TCF12: variants seen among roughly 807,000 people sequenced by gnomAD.
TCF12 encodes transcription factor 12.
A neutral mutation model predicts 86.0 loss-of-function variants in TCF12; 45 were observed. That is an observed-to-expected ratio of 0.52 (90% CI 0.41 to 0.67). The LOEUF (loss-of-function observed/expected upper bound fraction) is 0.67. Ranked by LOEUF, TCF12 falls within the 30% of genes least tolerant of loss-of-function variation. The probability of loss-of-function intolerance (pLI) is 0.00; values close to 1 mark genes in which losing one functional copy is unlikely to be tolerated. For missense variants in TCF12, 881 were observed against 859.9 expected (o/e 1.02, Z -0.31); for synonymous variants, 330 against 299.6 (o/e 1.10, Z -1.05).
intron 3 of TCF12, among the ~76,000 whole-genome samples, chr15:57,044,060 C>A (rs1567309360): frequency 6.6e-6 from 1 of 151,842 alleles, no homozygotes; most frequent in African/African-American, 2.4e-5. Context: ...AGATTGGACA[C>A]TTTCAAATTG....
chr15:57,063,118 T>A (rs1380655454), intron 3 of TCF12, among the ~76,000 whole-genome samples: 2 of 152,228 alleles, frequency 1.3e-5, no homozygotes, highest in Non-Finnish European at 2.9e-5. Flanking sequence ...GCCACCTTCA[T>A]AAGAGTGGAA....
At chr15:56,990,183 A>T in intron 3 of TCF12, among the ~76,000 whole-genome samples, 2 of 118,542 alleles carry the variant, frequency 1.7e-5, no homozygotes, top group African/African-American at 3.6e-5. Context: ...TAAATATTAT[A>T]CCATTTTCAA....
intron 3 of TCF12, among the ~76,000 whole-genome samples, chr15:56,984,617 T>G (rs1272104495): frequency 6.6e-6 from 1 of 152,172 alleles, no homozygotes; most frequent in Non-Finnish European, 1.5e-5. Context: ...TTACTAATTC[T>G]TCTGGAGTGA....
chr15:56,977,198 T>C (rs1248629706), intron 3 of TCF12, among the ~76,000 whole-genome samples: 1 of 152,212 alleles, frequency 6.6e-6, no homozygotes, highest in African/African-American at 2.4e-5. Context: ...TGCAAGGTAC[T>C]GGCAGGACAT....
rs371490347 is a variant in TCF12 at position 57,284,203 on chromosome 15, G to GTTGT, written c.*11+1620_*11+1623dup. ...GTTCTGGGATTTTTTTGTTGTTGTT[G>GTTGT]TTGTTTGTTTGTTTGTTTTGAGATG... On this transcript the variant is annotated intron_variant, in intron 20 of 20. Transcript: ENST00000333725. Among the ~76,000 whole-genome samples, 199 of 152,018 alleles carry GTTGT rather than the reference G, an allele frequency of 1.3e-3. 1 individual carries two copies. Among genetic ancestry groups the GTTGT allele is most frequent in the African/African-American group, 4.3e-3 (177 of 41,476 alleles).
At chr15:57,290,616 C>G (rs1277949719), downstream of TCF12, among the ~76,000 whole-genome samples, 1 of 152,178 alleles carries the variant, frequency 6.6e-6, no homozygotes, top group African/African-American at 2.4e-5. Context: ...GCCTGCAGTT[C>G]TGAAGAAGGC....
At chr15:57,171,271 C>G (rs769981473) in intron 6 of TCF12, among the ~76,000 whole-genome samples, 1 of 151,306 alleles carries the variant, frequency 6.6e-6, no homozygotes, top group Non-Finnish European at 1.5e-5. Flanking sequence ...TTCGTGAGCC[C>G]CAGAGAGGAA....
chr15:57,121,996 A>G (rs563025889), intron 5 of TCF12, among the ~76,000 whole-genome samples: 5 of 149,510 alleles, frequency 3.3e-5, no homozygotes, highest in African/African-American at 9.9e-5. Context: ...AGAGATTTTT[A>G]TTTGTGTATT....
intron 3 of TCF12, among the ~76,000 whole-genome samples, chr15:57,046,951 T>A (rs1210513485): frequency 6.6e-6 from 1 of 152,180 alleles, no homozygotes; most frequent in Non-Finnish European, 1.5e-5. Flanking sequence ...ATCTTGTTGA[T>A]GATGTAATTG....
chr15:57,242,242 T>C (rs2059666484), intron 12 of TCF12, among the ~76,000 whole-genome samples: 1 of 152,202 alleles, frequency 6.6e-6, no homozygotes, highest in Admixed American at 6.5e-5. Flanking sequence ...CTTTTTAAAA[T>C]ATTTGACCAC....
intron 3 of TCF12, among the ~76,000 whole-genome samples, chr15:57,003,580 T>C (rs1451388168): frequency 6.6e-6 from 1 of 152,228 alleles, no homozygotes; most frequent in Non-Finnish European, 1.5e-5. Flanking sequence ...AATAGGCTAC[T>C]GAAAGGACTC....
At chr15:57,209,407 A>G (rs1313319879) in intron 8 of TCF12, among the ~76,000 whole-genome samples, 1 of 152,240 alleles carries the variant, frequency 6.6e-6, no homozygotes, top group African/African-American at 2.4e-5. Flanking sequence ...AATTAAAAAT[A>G]TAGGGCCATG....
intron 4 of TCF12, among the ~76,000 whole-genome samples, chr15:57,070,104 G>T (rs1308478276): frequency 6.6e-6 from 1 of 152,118 alleles, no homozygotes; most frequent in Non-Finnish European, 1.5e-5. Context: ...TCAGTGGAAA[G>T]GGGAAAACCA....
At chr15:57,252,998 C>G (rs1476861455) in intron 15 of TCF12, among the ~76,000 whole-genome samples, 1 of 139,466 alleles carries the variant, frequency 7.2e-6, no homozygotes, top group Non-Finnish European at 1.5e-5. Context: ...TTTGTAGAAG[C>G]TAAAAGAAAT....
chr15:57,136,983 T>G (rs569118798), intron 5 of TCF12, among the ~76,000 whole-genome samples: 5 of 86,782 alleles, frequency 5.8e-5, no homozygotes, highest in African/African-American at 2.0e-4. Context: ...TTTTTTTTTT[T>G]TTTTTTTTTT....
At chr15:57,277,811 T>C (rs2061474612) in intron 19 of TCF12, among the ~76,000 whole-genome samples, 1 of 151,006 alleles carries the variant, frequency 6.6e-6, no homozygotes. Context: ...TCTTGGCTCA[T>C]ACCTGAAGTA....
rs370439608 is a variant in TCF12 at position 57,067,297 on chromosome 15, T to C, written c.222+3474T>C. Among the ~76,000 whole-genome samples the C allele has an allele frequency of 1.4e-4, 21 of 152,108 alleles. 3 individuals carry two copies. The highest frequency in any genetic ancestry group is 1.0e-3 in the Admixed American group (16 of 15,290). ...GGCTCACGCCTGTAATCCCAGCACT[T>C]TGGGAGGCCGAGGCGGGCGGATCAC... On this transcript the variant is annotated intron_variant, in intron 4 of 20. Coordinates refer to ENST00000333725, the MANE Select transcript of TCF12 (RefSeq NM_207037.2).
intron 3 of TCF12, among the ~76,000 whole-genome samples, chr15:57,045,908 G>A (rs1024134121): frequency 2.0e-5 from 3 of 152,172 alleles, no homozygotes; most frequent in Admixed American, 6.5e-5. Flanking sequence ...TCCAGTCAGA[G>A]AGAAACTGAT....
chr15:57,277,968 T>C (rs1375123464), intron 19 of TCF12, among the ~76,000 whole-genome samples: 1 of 151,902 alleles, frequency 6.6e-6, no homozygotes, highest in African/African-American at 2.4e-5. Context: ...ATATCAGATA[T>C]GCAAATCCTT....
Sources: allele counts gnomAD v4.1 joint callset (sites outside exome capture counted in the v4.1 genomes callset), GRCh38; gene constraint gnomAD v4.1.1; transcripts MANE v1.5; gene names NCBI Gene and HGNC (gene_info 2026-07-23, HGNC 2026-07-21).